AJAP1: variants seen among roughly 807,000 people sequenced by gnomAD.
The protein encoded by AJAP1 is adherens junction-associated protein 1.
AJAP1 carries 5 observed loss-of-function variants against 35.0 expected under a neutral mutation model. The observed-to-expected ratio is 0.14, with a 90% CI of 0.07 to 0.30. The LOEUF is 0.30. AJAP1 is among the 10% of genes least tolerant of loss of function. The pLI is 1.00. For synonymous variants in AJAP1, 284 were observed against 249.3 expected (o/e 1.14, Z -1.31); for missense variants, 586 against 571.0 (o/e 1.03, Z -0.27).
chr1:4,760,417 G>T (rs949755570), intron 2 of AJAP1, among the ~76,000 whole-genome samples: 1 of 152,088 alleles, frequency 6.6e-6, no homozygotes, highest in Non-Finnish European at 1.5e-5. Context: ...ATGTGTTCAT[G>T]CATGCTTTGG....
At chr1:4,736,361 G>T (rs1455066014) in intron 2 of AJAP1, among the ~76,000 whole-genome samples, 1 of 152,156 alleles carries the variant, frequency 6.6e-6, no homozygotes, top group Non-Finnish European at 1.5e-5. Context: ...CCGCTGCGCT[G>T]TGCGCAGCCC....
In AJAP1 at chr1:4,792,512, CAT is replaced by C. The variant is rs1487970409; in HGVS notation, c.*10029_*10030del. ...CTGATGTTGCTATTAAAAAAAAAAA[CAT>C]AATATGAAAAAAAAAAAAAAGAAGA... On this transcript the variant is annotated 3_prime_UTR_variant, in exon 6 of 6. Transcript: ENST00000378191. 2 of 80,360 alleles carry C rather than the reference CAT, an allele frequency of 2.5e-5. No homozygotes were observed. Among genetic ancestry groups the C allele is most frequent in the Non-Finnish European group, 5.2e-5 (2 of 38,330 alleles). The allele number at this position is 80,360 out of a possible 1,614,324, so 5.0% of individuals were successfully genotyped here.
chr1:4,712,425 C>G lies in AJAP1; in HGVS notation c.555C>G (p.Pro185=). ...TTETEFIAWG[P]TGDEEALESN... is the part of the protein sequence containing the mutation. ...AGACTGAGTTCATCGCCTGGGGGCC[C>G]ACGGGGGACGAGGAGGCCCTGGAGT... The change falls in exon 2 of 6, where the codon CCC becomes CCG. Residue 185 remains proline (P), a synonymous_variant. Transcript: ENST00000378191. 1 of 1,602,668 alleles carries G rather than the reference C, an allele frequency of 6.2e-7. No homozygotes were observed. Among genetic ancestry groups the G allele is most frequent in the Non-Finnish European group, 8.5e-7 (1 of 1,174,870 alleles).
rs1642232828 is a variant in AJAP1 at position 4,790,595 on chromosome 1, C to T, written c.*8110C>T. ...AATCTATCCGCAGATGTGTTTTGTT[C>T]TATTTCTTGTTTTTCACTAGCGTTT... On this transcript the variant is annotated 3_prime_UTR_variant, in exon 6 of 6. Transcript: ENST00000378191. The T allele has an allele frequency of 6.6e-6, 1 of 152,326 alleles. No homozygotes were observed. Among genetic ancestry groups the T allele is most frequent in the African/African-American group, 2.4e-5 (1 of 41,576 alleles). The allele number at this position is 152,326 out of a possible 1,614,324, so 9.4% of individuals were successfully genotyped here.
chr1:4,771,504 G>T (rs1641835579), intron 3 of AJAP1, among the ~76,000 whole-genome samples: 1 of 152,204 alleles, frequency 6.6e-6, no homozygotes, highest in African/African-American at 2.4e-5. Flanking sequence ...TCCCCATGCA[G>T]CAGGGGAGGG....
intron 2 of AJAP1, among the ~76,000 whole-genome samples, chr1:4,741,358 C>A (rs990458612): frequency 6.6e-6 from 1 of 152,068 alleles, no homozygotes; most frequent in Non-Finnish European, 1.5e-5. Flanking sequence ...AGGGGAGGAC[C>A]CTTCCCGGCC....
chr1:4,696,971 TATGTGCAC>T (rs1639877151), intron 1 of AJAP1, among the ~76,000 whole-genome samples: 1 of 151,726 alleles, frequency 6.6e-6, no homozygotes, highest in African/African-American at 2.4e-5. Flanking sequence ...TGTGTCTCTG[TATGTGCAC>T]ATGTGCATGT....
intron 1 of AJAP1, among the ~76,000 whole-genome samples, chr1:4,703,504 A>G (rs1363874295): frequency 6.6e-6 from 1 of 152,156 alleles, no homozygotes; most frequent in Non-Finnish European, 1.5e-5. Context: ...CCTTTCTCTC[A>G]AGGGCAGAAC....
At chr1:4,704,913 G>A (rs890553560) in intron 1 of AJAP1, among the ~76,000 whole-genome samples, 1 of 152,200 alleles carries the variant, frequency 6.6e-6, no homozygotes, top group Non-Finnish European at 1.5e-5. Context: ...GCCAATGATG[G>A]TGAGCATTTG....
At position 4,734,068 on chromosome 1, in the gene AJAP1, C is replaced by T. The variant is rs568859857; in HGVS notation, c.829+21369C>T. On this transcript the variant is annotated intron_variant, in intron 2 of 5. Transcript: ENST00000378191. This position sits in a 1 kb window ranked among gnomAD's most constrained non-coding sequence, Gnocchi z 4.3. ...TCACGTACCGAGTATTGACTTGGCT[C>T]AGCCCAGGAAAAGCGAGAGCGATTT... Among the ~76,000 whole-genome samples the T allele has an allele frequency of 2.0e-5, 3 of 152,294 alleles. No individual in the cohort carries two copies. In the East Asian group the frequency reaches 5.8e-4, roughly 29 times the overall value.
intron 1 of AJAP1, among the ~76,000 whole-genome samples, chr1:4,708,415 G>A (rs564217400): frequency 2.0e-5 from 3 of 152,250 alleles, no homozygotes; most frequent in South Asian, 4.2e-4. Flanking sequence ...GTGTGGGGTC[G>A]CCTGCCATCT....
chr1:4,744,082 C>T (rs541723026), intron 2 of AJAP1, among the ~76,000 whole-genome samples: 5 of 152,284 alleles, frequency 3.3e-5, no homozygotes, highest in Admixed American at 6.5e-5. Flanking sequence ...CCTCCAGGGA[C>T]GTCTGAGTGT....
intron 2 of AJAP1, among the ~76,000 whole-genome samples, chr1:4,761,797 C>T (rs1641572368): frequency 6.6e-6 from 1 of 152,132 alleles, no homozygotes; most frequent in Non-Finnish European, 1.5e-5. Flanking sequence ...AGATGGAGGC[C>T]AGAAGACTAA....
intron 1 of AJAP1, among the ~76,000 whole-genome samples, chr1:4,695,366 A>G (rs573862162): frequency 6.6e-6 from 1 of 152,278 alleles, no homozygotes; most frequent in South Asian, 2.1e-4. Flanking sequence ...GCCCATGCTG[A>G]GTTTCCACTG....
At chr1:4,711,552 C>T (rs914329076) in intron 1 of AJAP1, among the ~76,000 whole-genome samples, 1 of 152,186 alleles carries the variant, frequency 6.6e-6, no homozygotes, top group Non-Finnish European at 1.5e-5. Context: ...TTCAGGTTAT[C>T]TTGTCGAGGC....
chr1:4,775,825 A>C (rs1328439364), intron 5 of AJAP1, among the ~76,000 whole-genome samples: 1 of 152,206 alleles, frequency 6.6e-6, no homozygotes, highest in African/African-American at 2.4e-5. Flanking sequence ...GGGGATGTGC[A>C]GCCTAGAGCA....
intron 1 of AJAP1, among the ~76,000 whole-genome samples, chr1:4,691,055 G>A (rs1465592782): frequency 2.6e-5 from 4 of 152,200 alleles, no homozygotes; most frequent in African/African-American, 4.8e-5. Context: ...GCCACTGAGC[G>A]AGATTCCAAA....
chr1:4,665,909 T>C (rs1050997850), intron 1 of AJAP1, among the ~76,000 whole-genome samples: 2 of 152,098 alleles, frequency 1.3e-5, no homozygotes, highest in African/African-American at 4.8e-5. Flanking sequence ...TTCCCAGAGG[T>C]AGCAGCGTTT....
intron 1 of AJAP1, among the ~76,000 whole-genome samples, chr1:4,670,098 T>A (rs193073170): frequency 6.6e-6 from 1 of 152,192 alleles, no homozygotes; most frequent in Non-Finnish European, 1.5e-5. Flanking sequence ...GGAAGGATGG[T>A]GACCCCCTAC....
Sources: allele counts gnomAD v4.1 joint callset (sites outside exome capture counted in the v4.1 genomes callset), GRCh38; gene constraint gnomAD v4.1.1; non-coding constraint Gnocchi (gnomAD v3.1); transcripts MANE v1.5; gene names NCBI Gene and HGNC (gene_info 2026-07-23, HGNC 2026-07-21).